Variants in BBS9 observed in about 807,000 individuals in gnomAD.
The protein encoded by BBS9 is protein PTHB1.
BBS9 carries 89 observed loss-of-function variants against 117.7 expected under a neutral mutation model. That is an observed-to-expected ratio of 0.76 (90% CI 0.64 to 0.90). The LOEUF (loss-of-function observed/expected upper bound fraction) is 0.90, where lower values mean the gene tolerates loss of function less well. Ranked by LOEUF, BBS9 falls within the 40% of genes least tolerant of loss-of-function variation. BBS9 has a pLI of 0.00. For missense variants in BBS9, 982 were observed against 1,042.2 expected (o/e 0.94, Z 0.80); for synonymous variants, 379 against 370.9 (o/e 1.02, Z -0.25).
chr7:33,143,520 TA>T (rs955448075), intron 1 of BBS9, among the ~76,000 whole-genome samples: 17 of 152,172 alleles, frequency 1.1e-4, no homozygotes, highest in African/African-American at 3.9e-4. Context: ...AGTTCAAAAT[TA>T]GTGATTTTGA....
chr7:33,145,913 T>TA (rs1792268590), intron 1 of BBS9, among the ~76,000 whole-genome samples: 1 of 152,234 alleles, frequency 6.6e-6, no homozygotes. Flanking sequence ...ACTTACATGT[T>TA]AAATAGTGCT....
At chr7:33,630,120 T>G (rs1169436412) in intron 21 of BBS9, among the ~76,000 whole-genome samples, 1 of 152,238 alleles carries the variant, frequency 6.6e-6, no homozygotes, top group Non-Finnish European at 1.5e-5. Context: ...TATGATTAGC[T>G]GCTTTTAATT....
intron 9 of BBS9, among the ~76,000 whole-genome samples, chr7:33,304,960 C>T (rs1807569320): frequency 6.6e-6 from 1 of 152,002 alleles, no homozygotes; most frequent in African/African-American, 2.4e-5. Context: ...GTCATCACCA[C>T]TCCCTAATCT....
At chr7:33,382,776 G>T (rs1825318282) in intron 17 of BBS9, among the ~76,000 whole-genome samples, 1 of 152,170 alleles carries the variant, frequency 6.6e-6, no homozygotes, top group Admixed American at 6.5e-5. Flanking sequence ...GGATATCAGA[G>T]AAATCAAGAT....
At chr7:33,169,433 TA>T (rs1796185202) in intron 4 of BBS9, among the ~76,000 whole-genome samples, 1 of 151,528 alleles carries the variant, frequency 6.6e-6, no homozygotes, top group Admixed American at 6.6e-5. Context: ...ACCAACAGTG[TA>T]AAAGTGTTCC....
chr7:33,357,399 T>A (rs1819794253), intron 15 of BBS9, among the ~76,000 whole-genome samples: 1 of 151,794 alleles, frequency 6.6e-6, no homozygotes, highest in Non-Finnish European at 1.5e-5. Context: ...AGCTAAAGAT[T>A]TAAAATGTTT....
chr7:33,228,893 G>C (rs1407670871), intron 5 of BBS9, among the ~76,000 whole-genome samples: 4 of 152,060 alleles, frequency 2.6e-5, no homozygotes, highest in Non-Finnish European at 4.4e-5. Context: ...CCACGTATAA[G>C]GGGACCCACA....
At chr7:33,286,868 TG>T (rs1802999918) in intron 9 of BBS9, among the ~76,000 whole-genome samples, 1 of 152,044 alleles carries the variant, frequency 6.6e-6, no homozygotes, top group Non-Finnish European at 1.5e-5. Flanking sequence ...GAAATATCTC[TG>T]TATCTCTGTT....
At chr7:33,428,856 G>A (rs1198072531) in intron 19 of BBS9, among the ~76,000 whole-genome samples, 4 of 152,070 alleles carry the variant, frequency 2.6e-5, no homozygotes, top group Non-Finnish European at 5.9e-5. Flanking sequence ...TTGTTGTTGT[G>A]CTACTTGTTA....
chr7:33,152,677 T>C, intron 2 of BBS9, 24 bp from the exon 3 acceptor site: 2 of 860,378 alleles, frequency 2.3e-6, no homozygotes, highest in Non-Finnish European at 3.3e-6. Context: ...TCCCTCTATC[T>C]TTTTTTTTTT....
intron 18 of BBS9, among the ~76,000 whole-genome samples, chr7:33,386,070 T>C (rs748228530): frequency 6.6e-6 from 1 of 152,072 alleles, no homozygotes; most frequent in Non-Finnish European, 1.5e-5. Flanking sequence ...ACATGGCACA[T>C]GTATACATAT....
At chr7:33,171,982 G>C (rs546661057) in intron 4 of BBS9, among the ~76,000 whole-genome samples, 1 of 149,854 alleles carries the variant, frequency 6.7e-6, no homozygotes, top group Non-Finnish European at 1.5e-5. Flanking sequence ...TATATCTGGA[G>C]GATTCAACCC....
intron 21 of BBS9, among the ~76,000 whole-genome samples, chr7:33,535,772 A>G (rs1264822901): frequency 2.0e-5 from 3 of 152,080 alleles, no homozygotes; most frequent in Admixed American, 1.3e-4. Flanking sequence ...GACTTGAGGG[A>G]AAAGGGCAGA....
At chr7:33,368,577 TACAC>T (rs201655079) in intron 17 of BBS9, among the ~76,000 whole-genome samples, 1,893 of 128,444 alleles carry the variant, frequency 0.015, 20 homozygotes, top group Middle Eastern at 0.037. Flanking sequence ...GAGAAAAAAG[TACAC>T]ACACACACAC....
At chr7:33,529,954 G>C (rs1046527767) in intron 20 of BBS9, among the ~76,000 whole-genome samples, 3 of 152,148 alleles carry the variant, frequency 2.0e-5, no homozygotes, top group Non-Finnish European at 4.4e-5. Flanking sequence ...TAAGGGCTAT[G>C]AATAAAGGTA....
At chr7:33,454,364 C>T (rs1281881293) in intron 19 of BBS9, among the ~76,000 whole-genome samples, 6 of 152,126 alleles carry the variant, frequency 3.9e-5, no homozygotes, top group African/African-American at 1.4e-4. Flanking sequence ...TGGTTTCTCC[C>T]TCAGGCTGGT....
chr7:33,143,475 T>C (rs1214357835), intron 1 of BBS9, among the ~76,000 whole-genome samples: 1 of 152,168 alleles, frequency 6.6e-6, no homozygotes, highest in East Asian at 1.9e-4. Context: ...TGATATTGTT[T>C]TGATATGCAA....
intron 5 of BBS9, among the ~76,000 whole-genome samples, chr7:33,214,988 C>A (rs1013565511): frequency 1.3e-5 from 2 of 152,140 alleles, no homozygotes; most frequent in Non-Finnish European, 2.9e-5. Flanking sequence ...GTCAGGAGAT[C>A]GAGGCCATCC....
rs1425533986 is a variant in BBS9 at position 33,177,732 on chromosome 7, C to T, written c.442+141C>T. ...TATTGAAACCTTTGTATCCAAATGC[C>T]CAAGCAAGTCTATGGCCATACCACC... is the stretch of plus-strand genomic sequence containing the variant. On this transcript the variant is annotated intron_variant, in intron 5 of 22. Coordinates refer to ENST00000242067, the MANE Select transcript of BBS9 (RefSeq NM_198428.3). 2.5e-5 allele frequency: 17 copies of T among 690,508 alleles called. No homozygotes were observed. The East Asian group carries it at 3.9e-4, about 16-fold the overall frequency. The allele number at this position is 690,508 out of a possible 1,614,324, so 42.8% of individuals were successfully genotyped here.
Sources: gnomAD v4.1 joint callset for allele counts (sites outside exome capture counted in the v4.1 genomes callset) on GRCh38, gnomAD v4.1.1 for gene constraint, MANE v1.5 for transcripts, NCBI Gene and HGNC (gene_info 2026-07-23, HGNC 2026-07-21) for gene names.